Variants in FRMD4B observed in about 807,000 individuals in gnomAD.
FRMD4B encodes the protein FERM domain containing 4B.
A neutral mutation model predicts 141.5 loss-of-function variants in FRMD4B; 74 were observed. That is an observed-to-expected ratio of 0.52 (90% CI 0.43 to 0.63). The LOEUF (loss-of-function observed/expected upper bound fraction) is 0.63, where lower values mean the gene tolerates loss of function less well. FRMD4B is among the 30% of genes least tolerant of loss of function. The pLI is 0.00. For missense variants in FRMD4B, 1,366 were observed against 1,253.4 expected, an observed-to-expected ratio of 1.09 and a Z score of -1.36; for synonymous variants, 506 against 467.9, an observed-to-expected ratio of 1.08 and a Z score of -1.05.
At chr3:69,508,511 G>A (rs1255654407) in intron 1 of FRMD4B, among the ~76,000 whole-genome samples, 3 of 152,138 alleles carry the variant, frequency 2.0e-5, no homozygotes, top group Non-Finnish European at 4.4e-5. Flanking sequence ...ATAGGGGAAG[G>A]GAGAAAGAAA....
intron 7 of FRMD4B, among the ~76,000 whole-genome samples, chr3:69,242,713 G>A (rs1185591402): frequency 1.4e-5 from 2 of 147,886 alleles, no homozygotes; most frequent in Admixed American, 6.7e-5. Context: ...AAAAAAGGCC[G>A]GGCTCGTTGC....
intron 1 of FRMD4B, among the ~76,000 whole-genome samples, chr3:69,521,780 G>T (rs941456603): frequency 1.3e-5 from 2 of 152,052 alleles, no homozygotes; most frequent in Non-Finnish European, 2.9e-5. Context: ...TACCCACCCC[G>T]CAGACATTCC....
intron 5 of FRMD4B, among the ~76,000 whole-genome samples, chr3:69,281,803 G>A (rs1263632573): frequency 1.5e-5 from 2 of 137,588 alleles, no homozygotes; most frequent in Non-Finnish European, 1.5e-5. Flanking sequence ...CAGCCTGGGT[G>A]ACAGAGTAAG....
At chr3:69,267,314 G>C (rs971895575) in intron 5 of FRMD4B, among the ~76,000 whole-genome samples, 35 of 152,004 alleles carry the variant, frequency 2.3e-4, no homozygotes, top group Non-Finnish European at 2.5e-4. Context: ...TTATAAAGGA[G>C]ACTTTAGAGT....
chr3:69,500,350 G>T (rs1706472512), intron 1 of FRMD4B, among the ~76,000 whole-genome samples: 1 of 152,182 alleles, frequency 6.6e-6, no homozygotes, highest in African/African-American at 2.4e-5. Flanking sequence ...AAGATGCGCG[G>T]AGGATCCCTA....
At chr3:69,372,067 C>G (rs955222732) in intron 1 of FRMD4B, among the ~76,000 whole-genome samples, 18 of 152,194 alleles carry the variant, frequency 1.2e-4, no homozygotes, top group African/African-American at 3.9e-4. Flanking sequence ...CCACTGTGCT[C>G]TCCATTCCTA....
intron 5 of FRMD4B, among the ~76,000 whole-genome samples, chr3:69,254,156 G>C (rs1286069401): frequency 6.6e-6 from 1 of 151,992 alleles, no homozygotes; most frequent in Non-Finnish European, 1.5e-5. Context: ...CCAGGCTGGA[G>C]TGCAGTGGTA....
chr3:69,303,061 C>T (rs1269656245), intron 3 of FRMD4B, among the ~76,000 whole-genome samples: 1 of 140,614 alleles, frequency 7.1e-6, no homozygotes, highest in Non-Finnish European at 1.6e-5. Flanking sequence ...GCAACATCCC[C>T]TGTTAGAGTG....
chr3:69,433,643 C>A (rs985459068), intron 1 of FRMD4B, among the ~76,000 whole-genome samples: 3 of 152,176 alleles, frequency 2.0e-5, no homozygotes, highest in Admixed American at 6.6e-5. Flanking sequence ...CTTCCTGATG[C>A]CATGGAACAA....
chr3:69,380,945 TAA>T (rs1007212875), intron 1 of FRMD4B, among the ~76,000 whole-genome samples: 14 of 152,366 alleles, frequency 9.2e-5, no homozygotes, highest in African/African-American at 3.4e-4. Flanking sequence ...ATTTTCCACC[TAA>T]GTTGTTTGTG....
At chr3:69,451,892 T>C (rs1438636910) in intron 1 of FRMD4B, among the ~76,000 whole-genome samples, 1 of 152,212 alleles carries the variant, frequency 6.6e-6, no homozygotes, top group African/African-American at 2.4e-5. Context: ...TGGTGTCATG[T>C]TGGTCTGAGA....
At chr3:69,467,134 T>C (rs1388386352) in intron 1 of FRMD4B, among the ~76,000 whole-genome samples, 1 of 152,210 alleles carries the variant, frequency 6.6e-6, no homozygotes, top group East Asian at 1.9e-4. Context: ...TCTAAGGCAC[T>C]GGTAAGATGG....
At chr3:69,422,233 A>C (rs1704993343) in intron 2 of FRMD4B, among the ~76,000 whole-genome samples, 1 of 152,078 alleles carries the variant, frequency 6.6e-6, no homozygotes, top group Non-Finnish European at 1.5e-5. Flanking sequence ...CTCCACTAAA[A>C]ATACAAAAAA....
chr3:69,239,367 T>A (rs2093366590), intron 7 of FRMD4B, among the ~76,000 whole-genome samples: 1 of 152,232 alleles, frequency 6.6e-6, no homozygotes. Context: ...GGACAATTAC[T>A]CTGCCCATCT....
intron 11 of FRMD4B, chr3:69,200,572 G>A (rs1484646291): frequency 1.8e-6 from 2 of 1,142,412 alleles, no homozygotes; most frequent in Admixed American, 3.8e-5. Flanking sequence ...TCCCACGGCT[G>A]ACACACTACT....
At chr3:69,482,940 C>A (rs779228836) in intron 1 of FRMD4B, among the ~76,000 whole-genome samples, 2 of 152,182 alleles carry the variant, frequency 1.3e-5, no homozygotes, top group Non-Finnish European at 2.9e-5. Context: ...ACAGAAAGAG[C>A]AGACACTCGG....
At chr3:69,318,718 C>T (rs1237140331) in intron 1 of FRMD4B, among the ~76,000 whole-genome samples, 1 of 152,116 alleles carries the variant, frequency 6.6e-6, no homozygotes, top group Non-Finnish European at 1.5e-5. Context: ...TTTTGTTCAC[C>T]ACAACAGTGC....
chr3:69,356,099 AG>A (rs1351841624), intron 1 of FRMD4B, among the ~76,000 whole-genome samples: 2 of 152,026 alleles, frequency 1.3e-5, no homozygotes, highest in African/African-American at 2.4e-5. Flanking sequence ...AACTGGGGGT[AG>A]GGGGGAACCC....
intron 1 of FRMD4B, chr3:69,536,690 G>T: frequency 1.4e-6 from 1 of 711,536 alleles, no homozygotes; most frequent in Non-Finnish European, 2.6e-6. Flanking sequence ...TCCCAGGAGG[G>T]GAGGCATCAG....
Sources: allele counts gnomAD v4.1 joint callset (sites outside exome capture counted in the v4.1 genomes callset), GRCh38; gene constraint gnomAD v4.1.1; transcripts MANE v1.5; gene names NCBI Gene and HGNC (gene_info 2026-07-23, HGNC 2026-07-21).